DNAH2: variants seen among roughly 807,000 people sequenced by gnomAD.
The protein encoded by DNAH2 is dynein axonemal heavy chain 2.
DNAH2 carries 323 observed loss-of-function variants against 523.5 expected under a neutral mutation model. That is an observed-to-expected ratio of 0.62 (90% CI 0.56 to 0.68). DNAH2 has a LOEUF of 0.68. Among genes scored for constraint, DNAH2 ranks in the 30% least tolerant of loss-of-function variants. DNAH2 has a pLI of 0.00. For missense variants in DNAH2, 4,907 were observed against 5,701.5 expected (o/e 0.86, Z 4.49); for synonymous variants, 2,093 against 2,177.4 (o/e 0.96, Z 1.08).
chr17:7,827,740 C>T (rs1056437644), intron 77 of DNAH2, among the ~76,000 whole-genome samples: 5 of 126,304 alleles, frequency 4.0e-5, no homozygotes, highest in African/African-American at 1.3e-4. Flanking sequence ...GCCACTGCGC[C>T]CAGCCAATTT....
chr17:7,770,116 G>T, intron 24 of DNAH2, 136 bp from the exon 25 acceptor site: 3 of 1,188,634 alleles, frequency 2.5e-6, no homozygotes, highest in Non-Finnish European at 3.5e-6. Flanking sequence ...GCCTAAGATT[G>T]CATCTTCGAG....
chr17:7,791,425 C>T (rs754221577), intron 44 of DNAH2, among the ~76,000 whole-genome samples: 9 of 152,098 alleles, frequency 5.9e-5, no homozygotes, highest in Non-Finnish European at 1.2e-4. Flanking sequence ...GCAACATGTC[C>T]GTTAAATTAA....
At position 7,770,655 on chromosome 17, in the gene DNAH2, GCT is replaced by G. The variant is rs751480277; in HGVS notation, c.4181+19_4181+20del. The G allele has an allele frequency of 1.2e-6, 2 of 1,614,144 alleles. No homozygotes were observed. ...ATCGGCTCAGGTCAGGGGAGCTGGG[GCT>G]CTAGGAGAATGGAGGGCTGTGTGAC... is the stretch of plus-strand genomic sequence containing the variant. On this transcript the variant is annotated intron_variant, in intron 26 of 85. Transcript: ENST00000572933.
At chr17:7,822,625 AT>A (rs1363355637) in intron 73 of DNAH2, among the ~76,000 whole-genome samples, 2 of 141,614 alleles carry the variant, frequency 1.4e-5, no homozygotes, top group Non-Finnish European at 3.1e-5. Flanking sequence ...TAATTTACTT[AT>A]TTGTTATGTT....
Position 7,740,505 on chromosome 17 carries a change from G to T in DNAH2, c.1462G>T (p.Gly488Cys). The change falls in exon 10 of 86, where the codon GGC becomes TGC. Residue 488 changes from glycine to cysteine, a missense_variant. This residue lies in a region of DNAH2 where 2,806 missense variants were observed against 3,190.8 expected (regional missense o/e 0.88). Coordinates refer to ENST00000572933, the MANE Select transcript of DNAH2 (RefSeq NM_020877.5). ...AFELVRDVPH[G>C]VLLLDTFHRL... ...CGAGTTGGTGCGGGACGTGCCGCACGGCGTGCTTCTGCTGGACACCTTCCA... is the reference window on the plus strand; with the variant it reads ...CGAGTTGGTGCGGGACGTGCCGCACTGCGTGCTTCTGCTGGACACCTTCCA... 1.9e-6 allele frequency: 3 copies of T among 1,614,166 alleles called. No homozygotes were observed. Among genetic ancestry groups the T allele is most frequent in the Non-Finnish European group, 2.5e-6 (3 of 1,180,020 alleles).
chr17:7,801,872 C>T lies in DNAH2; in HGVS notation c.8833-6C>T, dbSNP rs2077233393. On this transcript the variant is annotated splice_polypyrimidine_tract_variant and splice_region_variant and intron_variant, in intron 57 of 85. Coordinates refer to ENST00000572933, the MANE Select transcript of DNAH2 (RefSeq NM_020877.5). ...CTGCCTTTTCATCCTGTGTCACTGG[C>T]CTCAGATCCACAGGAAGGTGGCCCA... 1 of 1,614,028 alleles carries T rather than the reference C, an allele frequency of 6.2e-7. No homozygotes were observed. Among genetic ancestry groups the T allele is most frequent in the African/African-American group, 1.3e-5 (1 of 74,914 alleles).
intron 4 of DNAH2, among the ~76,000 whole-genome samples, chr17:7,727,651 G>T (rs2074862027): frequency 6.6e-6 from 1 of 151,444 alleles, no homozygotes; most frequent in South Asian, 2.1e-4. Flanking sequence ...AGCTACTTGG[G>T]AGGCTGAGGC....
chr17:7,801,535 T>C lies in DNAH2; in HGVS notation c.8700-43T>C, dbSNP rs370550167. 7.4e-6 allele frequency: 12 copies of C among 1,611,028 alleles called. No homozygotes were observed. The African/African-American group carries it at 1.5e-4, about 20-fold the overall frequency. ...TTGGGAAGCCAGTACCTGGAGGCTG[T>C]GTCTGTGCACGGAATTTACAGCCTC... is the stretch of plus-strand genomic sequence containing the variant. On this transcript the variant is annotated intron_variant, in intron 56 of 85. Transcript: ENST00000572933.
rs891942928 is a variant in DNAH2, at chr17:7,832,509, CTAAA to C, written c.12727-58_12727-55del. ...GGGGGACAAGAGCAAAACTCTGTCTCTAAATAAATAAATAATACGGATTTGAATG... is the reference window on the plus strand; with the variant it reads ...GGGGGACAAGAGCAAAACTCTGTCTCTAAATAAATAATACGGATTTGAATG... On this transcript the variant is annotated intron_variant, in intron 82 of 85. Transcript: ENST00000572933. This position sits in a 1 kb window ranked among gnomAD's most constrained non-coding sequence, Gnocchi z 4.3. The C allele has an allele frequency of 8.2e-5, 128 of 1,556,322 alleles. No individual in the cohort carries two copies. The highest frequency in any genetic ancestry group is 1.5e-4 in the African/African-American group (11 of 73,562).
In DNAH2 at chr17:7,797,765, G is replaced by A; in HGVS notation, c.8166G>A (p.Glu2722=). The A allele has an allele frequency of 6.2e-7, 1 of 1,614,124 alleles. No individual in the cohort carries two copies. Among genetic ancestry groups the A allele is most frequent in the Non-Finnish European group, 8.5e-7 (1 of 1,180,022 alleles). The change falls in exon 53 of 86, where the codon GAG becomes GAA. Residue 2722 remains glutamate (E), a synonymous_variant. Transcript: ENST00000572933. ...CAGTCATGGAGACAGCTCTAAATGA[G>A]TATAACCTGTCACCCTCTGTCGTGC... ...LKTVMETALN[E]YNLSPSVVPM... is the part of the protein sequence containing the mutation.
At chr17:7,800,816 T>G (rs905216331) in intron 56 of DNAH2, among the ~76,000 whole-genome samples, 8 of 146,252 alleles carry the variant, frequency 5.5e-5, no homozygotes, top group African/African-American at 1.3e-4. Context: ...GCAGTGAGCC[T>G]AGATGGCGCT....
Position 7,797,170 on chromosome 17 carries a change from T to C in DNAH2, c.7864-6T>C, listed in dbSNP as rs749309527. 1.9e-6 allele frequency: 3 copies of C among 1,612,560 alleles called. No individual in the cohort carries two copies. The South Asian group carries it at 3.3e-5, about 18-fold the overall frequency. ...CCCTGGTCCCAACAGTCAGTCCTCTTCCCAGGTGTTCCAGGGCATGCTTAG... is the reference window on the plus strand; with the variant it reads ...CCCTGGTCCCAACAGTCAGTCCTCTCCCCAGGTGTTCCAGGGCATGCTTAG... On this transcript the variant is annotated splice_region_variant and splice_polypyrimidine_tract_variant and intron_variant, in intron 50 of 85. Coordinates refer to ENST00000572933, the MANE Select transcript of DNAH2 (RefSeq NM_020877.5).
intron 7 of DNAH2, among the ~76,000 whole-genome samples, chr17:7,735,822 G>A (rs2075126287): frequency 6.6e-6 from 1 of 151,502 alleles, no homozygotes; most frequent in South Asian, 2.1e-4. Flanking sequence ...GCGCGATCTC[G>A]GCTCACTGCA....
Position 7,763,910 on chromosome 17 carries a change from C to T in DNAH2, c.3058C>T (p.Leu1020Phe). ...GTTTGTGCTGCTGGACTGTTCGCAC[C>T]TCAAGTTCTCCCTGGTGCAGCACTG... is the stretch of plus-strand genomic sequence containing the variant. ...IQFVLLDCSH[L>F]KFSLVQHCNE... Residue 1020 changes from leucine to phenylalanine, a missense_variant, in exon 19 of 86, where the codon CTC (leucine) becomes TTC (phenylalanine). By Grantham distance (22) the Leu-to-Phe change is conservative. Transcript: ENST00000572933. The T allele has an allele frequency of 6.2e-7, 1 of 1,614,222 alleles. No homozygotes were observed. Among genetic ancestry groups the T allele is most frequent in the Non-Finnish European group, 8.5e-7 (1 of 1,180,042 alleles).
chr17:7,810,487 C>T (rs1215878026), intron 63 of DNAH2, among the ~76,000 whole-genome samples: 2 of 152,198 alleles, frequency 1.3e-5, no homozygotes, highest in Non-Finnish European at 2.9e-5. Context: ...CTCCCAGATT[C>T]AAGTGATTCT....
At position 7,760,300 on chromosome 17, in the gene DNAH2, G is replaced by A. The variant is rs2075968880; in HGVS notation, c.2785+362G>A. Among the ~76,000 whole-genome samples the A allele has an allele frequency of 6.6e-6, 1 of 152,054 alleles. No homozygotes were observed. The highest frequency in any genetic ancestry group is 6.6e-5 in the Admixed American group (1 of 15,264). On this transcript the variant is annotated intron_variant, in intron 17 of 85. Coordinates refer to ENST00000572933, the MANE Select transcript of DNAH2 (RefSeq NM_020877.5). The surrounding 1 kb of genome is among the most constrained non-coding windows in gnomAD (Gnocchi z 4.0). ...AAGAATCACCCCGGAGGCGGAGGTTGCAGTGAGCGGAGATCATGCCACTGC... is the reference window on the plus strand; with the variant it reads ...AAGAATCACCCCGGAGGCGGAGGTTACAGTGAGCGGAGATCATGCCACTGC...
At chr17:7,750,959 C>G (rs1318098373) in intron 12 of DNAH2, among the ~76,000 whole-genome samples, 1 of 152,186 alleles carries the variant, frequency 6.6e-6, no homozygotes, top group Non-Finnish European at 1.5e-5. Flanking sequence ...TAAAAAAATT[C>G]TAGAATTTTC....
At position 7,833,517 on chromosome 17, in the gene DNAH2, T is replaced by C. The variant is rs773468298; in HGVS notation, c.13268T>C (p.Met4423Thr). 1 of 1,614,002 alleles carries C rather than the reference T, an allele frequency of 6.2e-7. No individual in the cohort carries two copies. Among genetic ancestry groups the C allele is most frequent in the East Asian group, 2.2e-5 (1 of 44,882 alleles). ...ATCAAGAGGGGCACTGCTCTACTCA[T>C]GAGCCTGGACAGCTGAGACCTCCTC... ...HWIKRGTALL[M>T]SLDS Residue 4423 changes from methionine to threonine, a missense_variant, in exon 86 of 86, where the codon ATG becomes ACG. Transcript: ENST00000572933.
At position 7,807,608 on chromosome 17, in the gene DNAH2, T is replaced by C; in HGVS notation, c.9729+22T>C. 2 of 1,594,846 alleles carry C rather than the reference T, an allele frequency of 1.3e-6. No homozygotes were observed. Among genetic ancestry groups the C allele is most frequent in the Non-Finnish European group, 1.7e-6 (2 of 1,168,676 alleles). ...GGAGGTGAGCTGATCGCCTGTCCTT[T>C]CCACGGAGGTCCCTCTCCCTGAGTT... On this transcript the variant is annotated intron_variant, in intron 63 of 85. Transcript: ENST00000572933. The surrounding 1 kb of genome is among the most constrained non-coding windows in gnomAD (Gnocchi z 5.6).
Sources: allele counts gnomAD v4.1 joint callset (sites outside exome capture counted in the v4.1 genomes callset), GRCh38; gene constraint gnomAD v4.1.1; regional missense constraint gnomAD v4.1.1; non-coding constraint Gnocchi (gnomAD v3.1); transcripts MANE v1.5; gene names NCBI Gene and HGNC (gene_info 2026-07-23, HGNC 2026-07-21).